CSMD1: variants seen among roughly 807,000 people sequenced by gnomAD.
CSMD1 encodes CUB and Sushi multiple domains 1, also known as CUB and sushi domain-containing protein 1.
CSMD1 carries 213 observed loss-of-function variants against 417.5 expected under a neutral mutation model. The ratio of observed to expected loss-of-function variants is 0.51; its 90% CI spans 0.46 to 0.57. The LOEUF is 0.57. CSMD1 is among the 20% of genes least tolerant of loss of function. CSMD1 has a pLI of 0.00. For synonymous variants in CSMD1, 2,862 were observed against 1,736.8 expected, an observed-to-expected ratio of 1.65 and a Z score of -16.11; for missense variants, 6,923 against 4,529.7, an observed-to-expected ratio of 1.53 and a Z score of -15.17.
At chr8:4,683,072 T>A (rs372229749) in intron 1 of CSMD1, among the ~76,000 whole-genome samples, 6 of 149,950 alleles carry the variant, frequency 4.0e-5, no homozygotes, top group Non-Finnish European at 8.9e-5. Context: ...CATTGTGGCA[T>A]AGAATTTAGA....
intron 7 of CSMD1, among the ~76,000 whole-genome samples, chr8:3,654,546 T>C (rs1037702765): frequency 3.9e-5 from 6 of 152,182 alleles, no homozygotes; most frequent in Non-Finnish European, 5.9e-5. Flanking sequence ...GAAATTGTCA[T>C]GATTATACGG....
intron 10 of CSMD1, among the ~76,000 whole-genome samples, chr8:3,557,671 G>C (rs971437135): frequency 2.0e-5 from 3 of 152,152 alleles, no homozygotes; most frequent in African/African-American, 7.2e-5. Context: ...GGAGCATGGA[G>C]ATAATCATTT....
chr8:3,373,047 A>G (rs1480068163), intron 18 of CSMD1, among the ~76,000 whole-genome samples: 1 of 152,228 alleles, frequency 6.6e-6, no homozygotes, highest in Non-Finnish European at 1.5e-5. Flanking sequence ...AATGAATGTA[A>G]AACATTTTAT....
chr8:3,825,252 G>A (rs1042025084), intron 5 of CSMD1, among the ~76,000 whole-genome samples: 6 of 152,122 alleles, frequency 3.9e-5, no homozygotes, highest in East Asian at 1.9e-4. Context: ...TTGAGAGGCC[G>A]GGTGTGGTGG....
At chr8:3,354,815 A>G (rs1284782786) in intron 21 of CSMD1, among the ~76,000 whole-genome samples, 2 of 148,016 alleles carry the variant, frequency 1.4e-5, no homozygotes, top group Non-Finnish European at 3.0e-5. Context: ...CTCTCTCTAT[A>G]TATATCTATA....
chr8:3,613,806 G>C (rs549216400), intron 8 of CSMD1, among the ~76,000 whole-genome samples: 1 of 150,802 alleles, frequency 6.6e-6, no homozygotes, highest in Admixed American at 6.6e-5. Flanking sequence ...AAACCAACAA[G>C]CAATGTCATA....
chr8:3,480,579 A>C (rs964298245), intron 11 of CSMD1, among the ~76,000 whole-genome samples: 7 of 152,158 alleles, frequency 4.6e-5, no homozygotes, highest in Admixed American at 2.6e-4. Flanking sequence ...TTATAGACCC[A>C]AAAAAATCTA....
chr8:4,727,929 A>ATATATATATACAAATATATATATG (rs1809569442), intron 1 of CSMD1, among the ~76,000 whole-genome samples: 1 of 136,324 alleles, frequency 7.3e-6, no homozygotes, highest in Non-Finnish European at 1.6e-5. Flanking sequence ...TACATCTAAT[A>ATATATATATACAAATATATATATG]TATATATATA....
At chr8:4,300,693 C>T (rs546383027) in intron 3 of CSMD1, among the ~76,000 whole-genome samples, 42 of 152,280 alleles carry the variant, frequency 2.8e-4, no homozygotes, top group South Asian at 1.5e-3. Flanking sequence ...ACTCTCCCAA[C>T]CCCACAACAG....
intron 2 of CSMD1, among the ~76,000 whole-genome samples, chr8:4,530,833 G>C (rs1372683410): frequency 7.9e-5 from 12 of 151,758 alleles, no homozygotes; most frequent in Admixed American, 7.9e-4. Context: ...ACTATAGGCA[G>C]CGCTTTCTTT....
At chr8:4,462,936 A>G (rs1799926791) in intron 2 of CSMD1, among the ~76,000 whole-genome samples, 1 of 152,202 alleles carries the variant, frequency 6.6e-6, no homozygotes. Flanking sequence ...CATCAAAAGC[A>G]CAAGAAAAGA....
At chr8:4,468,681 T>G (rs910403392) in intron 2 of CSMD1, among the ~76,000 whole-genome samples, 1 of 152,034 alleles carries the variant, frequency 6.6e-6, no homozygotes, top group East Asian at 1.9e-4. Flanking sequence ...CTGGACTGTA[T>G]GTATCATAAC....
intron 25 of CSMD1, among the ~76,000 whole-genome samples, chr8:3,301,573 A>T (rs12676614): frequency 1.3e-5 from 2 of 152,240 alleles, no homozygotes; most frequent in African/African-American, 2.4e-5. Context: ...AGGTGAGTCA[A>T]TGAGGAGAAA....
At position 4,872,170 on chromosome 8, in the gene CSMD1, G is replaced by A. The variant is rs545117607; in HGVS notation, c.85+122162C>T. Among the ~76,000 whole-genome samples the A allele has an allele frequency of 3.3e-5, 5 of 152,174 alleles. No individual in the cohort carries two copies. The South Asian group carries it at 8.3e-4, about 25-fold the overall frequency. On this transcript the variant is annotated intron_variant, in intron 1 of 69. Coordinates refer to ENST00000635120, the MANE Select transcript of CSMD1 (RefSeq NM_033225.6). Reference sequence around the variant, plus strand: ...ATGTAGCAAATGAATGCAAACTAAGGCACTCTGTGTTAGCCTGTGTGACTC... The same window carrying A: ...ATGTAGCAAATGAATGCAAACTAAGACACTCTGTGTTAGCCTGTGTGACTC...
intron 3 of CSMD1, among the ~76,000 whole-genome samples, chr8:4,369,007 TG>T (rs1246696984): frequency 1.3e-5 from 2 of 152,154 alleles, no homozygotes; most frequent in African/African-American, 4.8e-5. Context: ...TGGTTTGCTC[TG>T]GTTTTTCTAG....
intron 10 of CSMD1, among the ~76,000 whole-genome samples, chr8:3,571,889 A>G (rs1799958643): frequency 6.6e-6 from 1 of 152,122 alleles, no homozygotes; most frequent in South Asian, 2.1e-4. Flanking sequence ...TTTAGGGTGT[A>G]CTTCCGTCCT....
chr8:4,720,344 C>A (rs935849267), intron 1 of CSMD1, among the ~76,000 whole-genome samples: 1 of 152,072 alleles, frequency 6.6e-6, no homozygotes, highest in Non-Finnish European at 1.5e-5. Flanking sequence ...TAACATGGTA[C>A]CATGTATTAT....
At chr8:3,867,537 G>C (rs887760384) in intron 5 of CSMD1, among the ~76,000 whole-genome samples, 1 of 152,138 alleles carries the variant, frequency 6.6e-6, no homozygotes, top group Non-Finnish European at 1.5e-5. Flanking sequence ...CCAGACAACA[G>C]AAGGCTAGTG....
intron 8 of CSMD1, chr8:3,613,226 A>T (rs892242540): frequency 2.7e-5 from 10 of 372,800 alleles, no homozygotes; most frequent in Non-Finnish European, 4.8e-5. Flanking sequence ...GAAGTAGATC[A>T]TCTACATAAG....
Sources: allele counts gnomAD v4.1 joint callset (sites outside exome capture counted in the v4.1 genomes callset), GRCh38; gene constraint gnomAD v4.1.1; transcripts MANE v1.5; gene names NCBI Gene and HGNC (gene_info 2026-07-23, HGNC 2026-07-21).